The following HMGA2 variants were observed in gnomAD, a reference collection of about 807,000 sequenced individuals.
HMGA2 encodes the protein high mobility group protein HMGI-C.
A neutral mutation model predicts 19.1 loss-of-function variants in HMGA2; 8 were observed. That is an observed-to-expected ratio of 0.42 (90% CI 0.25 to 0.76). The LOEUF (loss-of-function observed/expected upper bound fraction) is 0.76, where lower values mean the gene tolerates loss of function less well. Ranked by LOEUF, HMGA2 falls within the 30% of genes least tolerant of loss-of-function variation. The pLI, the probability that HMGA2 is intolerant of heterozygous loss-of-function variation, is 0.28. For missense variants in HMGA2, 109 were observed against 136.3 expected (o/e 0.80, Z 1.00); for synonymous variants, 60 against 48.8 (o/e 1.23, Z -0.96).
intron 3 of HMGA2, among the ~76,000 whole-genome samples, chr12:65,944,643 C>A (rs937694928): frequency 7.3e-6 from 1 of 137,398 alleles, no homozygotes; most frequent in African/African-American, 2.9e-5. Flanking sequence ...TGACAAGTCA[C>A]AAAAATTACC....
intron 3 of HMGA2, among the ~76,000 whole-genome samples, chr12:65,907,579 T>C (rs1330772191): frequency 6.6e-6 from 1 of 152,070 alleles, no homozygotes; most frequent in Non-Finnish European, 1.5e-5. Flanking sequence ...TGGAGGGACC[T>C]AGGAGGCCTA....
At chr12:65,870,574 A>G (rs1176662843) in intron 3 of HMGA2, among the ~76,000 whole-genome samples, 3 of 152,194 alleles carry the variant, frequency 2.0e-5, no homozygotes, top group African/African-American at 7.2e-5. Flanking sequence ...TACTAAAAAT[A>G]CAAAAATTAG....
chr12:65,918,965 T>C (rs960285276), intron 3 of HMGA2, among the ~76,000 whole-genome samples: 1 of 152,140 alleles, frequency 6.6e-6, no homozygotes, highest in Admixed American at 6.5e-5. Context: ...TGTAAAAAAA[T>C]GTTTCTGTAG....
chr12:65,846,433 T>C (rs1334349184), intron 3 of HMGA2, among the ~76,000 whole-genome samples: 9 of 152,162 alleles, frequency 5.9e-5, no homozygotes, highest in Admixed American at 6.5e-5. Flanking sequence ...GCTGAAAGAG[T>C]CCTGTTTGGG....
intron 3 of HMGA2, among the ~76,000 whole-genome samples, chr12:65,938,611 G>A (rs996499551): frequency 1.3e-5 from 2 of 152,030 alleles, no homozygotes; most frequent in African/African-American, 2.4e-5. Context: ...AGAATTGTAG[G>A]TGTGTAAGCA....
chr12:65,897,719 G>T (rs541760739), intron 3 of HMGA2, among the ~76,000 whole-genome samples: 85 of 152,328 alleles, frequency 5.6e-4, no homozygotes, highest in African/African-American at 1.9e-3. Flanking sequence ...CAGCACTGTG[G>T]GAGGCCAAGG....
Position 65,963,763 on chromosome 12 carries a change from C to T in HMGA2, c.*471C>T. On this transcript the variant is annotated 3_prime_UTR_variant, in exon 5 of 5. Transcript: ENST00000403681. ...ACACTGTGTACACCTCAAATACCAC[C>T]CCAACCCACTCCCTGTAGTGAATCC... 1 of 260,516 alleles carries T rather than the reference C, an allele frequency of 3.8e-6. No homozygotes were observed. The highest frequency in any genetic ancestry group is 7.3e-6 in the Non-Finnish European group (1 of 137,028). The allele number at this position is 260,516 out of a possible 1,614,324, so 16.1% of individuals were successfully genotyped here.
chr12:65,882,433 C>G (rs1565720261), intron 3 of HMGA2, among the ~76,000 whole-genome samples: 2 of 152,164 alleles, frequency 1.3e-5, no homozygotes, highest in Non-Finnish European at 2.9e-5. Flanking sequence ...GAAGCTGCCG[C>G]AGGCTGTGGA....
chr12:65,865,633 C>CTTTT (rs952845162), intron 3 of HMGA2, among the ~76,000 whole-genome samples: 1 of 131,796 alleles, frequency 7.6e-6, no homozygotes, highest in Admixed American at 7.7e-5. Flanking sequence ...ATCTATTTTT[C>CTTTT]TTTTTTTTTT....
chr12:65,852,506 A>AAAT (rs976864723), intron 3 of HMGA2, among the ~76,000 whole-genome samples: 19 of 152,186 alleles, frequency 1.2e-4, no homozygotes, highest in African/African-American at 3.9e-4. Context: ...CTGTTTCAAA[A>AAAT]AATAATAATA....
chr12:65,843,990 A>T (rs1338065574), intron 3 of HMGA2, among the ~76,000 whole-genome samples: 4 of 149,214 alleles, frequency 2.7e-5, no homozygotes, highest in Non-Finnish European at 5.9e-5. Flanking sequence ...CAGAGGTTGC[A>T]GTGAGCTTGG....
In HMGA2 at chr12:65,825,089, G is replaced by A. The variant is rs948527159; in HGVS notation, c.-182G>A. 5.8e-6 allele frequency: 3 copies of A among 512,844 alleles called. No individual in the cohort carries two copies. The highest frequency in any genetic ancestry group is 3.9e-5 in the Admixed American group (1 of 25,366). The allele number at this position is 512,844 out of a possible 1,614,324, so 31.8% of individuals were successfully genotyped here. On this transcript the variant is annotated 5_prime_UTR_variant, in exon 1 of 5. Coordinates refer to ENST00000403681, the MANE Select transcript of HMGA2 (RefSeq NM_003483.6). This position sits in a 1 kb window ranked among gnomAD's most constrained non-coding sequence, Gnocchi z 4.4. ...CTTCTCTTTTTGGCAGCCGCTGGAC[G>A]TCCGGTGTTGATGGTGGCAGCGGCG...
At chr12:65,940,724 G>A (rs1876065059) in intron 3 of HMGA2, among the ~76,000 whole-genome samples, 1 of 152,138 alleles carries the variant, frequency 6.6e-6, no homozygotes, top group Non-Finnish European at 1.5e-5. Context: ...TACAACCTGG[G>A]TGGGTGTTAT....
chr12:65,834,975 G>T (rs936564411), intron 2 of HMGA2, among the ~76,000 whole-genome samples: 13 of 152,156 alleles, frequency 8.5e-5, no homozygotes, highest in African/African-American at 2.9e-4. Context: ...AGATATGATT[G>T]TTGTAAATAT....
intron 3 of HMGA2, among the ~76,000 whole-genome samples, chr12:65,864,637 A>C (rs1333621568): frequency 6.6e-6 from 1 of 152,188 alleles, no homozygotes; most frequent in African/African-American, 2.4e-5. Flanking sequence ...TAACATTACT[A>C]TTGTAATGTT....
chr12:65,868,542 G>A (rs1016763795), intron 3 of HMGA2, among the ~76,000 whole-genome samples: 1 of 152,070 alleles, frequency 6.6e-6, no homozygotes, highest in Admixed American at 6.5e-5. Flanking sequence ...CACCTCACTT[G>A]GGCCCAAAGC....
intron 4 of HMGA2, among the ~76,000 whole-genome samples, 166 bp from the exon 5 acceptor site, chr12:65,963,079 A>G (rs1876798519): frequency 6.6e-6 from 1 of 152,088 alleles, no homozygotes; most frequent in Non-Finnish European, 1.5e-5. Context: ...TGATTCCTCA[A>G]TTACGGTTTA....
chr12:65,944,381 T>A (rs896620483), intron 3 of HMGA2, among the ~76,000 whole-genome samples: 1 of 152,166 alleles, frequency 6.6e-6, no homozygotes, highest in Non-Finnish European at 1.5e-5. Flanking sequence ...GGTATGAGAA[T>A]CTAGCCAGAT....
At chr12:65,884,395 T>C (rs1184428156) in intron 3 of HMGA2, among the ~76,000 whole-genome samples, 2 of 152,198 alleles carry the variant, frequency 1.3e-5, no homozygotes, top group Non-Finnish European at 2.9e-5. Context: ...GTCTCAAGCA[T>C]TTCAGACACT....
Sources: gnomAD v4.1 joint callset for allele counts (sites outside exome capture counted in the v4.1 genomes callset) on GRCh38, gnomAD v4.1.1 for gene constraint, Gnocchi (gnomAD v3.1) non-coding constraint, MANE v1.5 for transcripts, NCBI Gene and HGNC (gene_info 2026-07-23, HGNC 2026-07-21) for gene names.